Variants in PPM1G observed in about 807,000 individuals in gnomAD.
PPM1G encodes the protein protein phosphatase 1G.
PPM1G carries 12 observed loss-of-function variants against 59.4 expected under a neutral mutation model. That is an observed-to-expected ratio of 0.20 (90% confidence interval 0.13 to 0.33). The LOEUF (loss-of-function observed/expected upper bound fraction) is 0.33, where lower values mean the gene tolerates loss of function less well. Among genes scored for constraint, PPM1G ranks in the 10% least tolerant of loss-of-function variants. The pLI is 1.00. For missense variants in PPM1G, 392 were observed against 681.3 expected, an observed-to-expected ratio of 0.58 and a Z score of 4.73; for synonymous variants, 245 against 251.9, an observed-to-expected ratio of 0.97 and a Z score of 0.26.
intron 2 of PPM1G, chr2:27,386,703 C>A (rs2148419247): frequency 5.5e-6 from 1 of 180,852 alleles, no homozygotes; most frequent in Non-Finnish European, 1.2e-5. Context: ...CACAGGCGCC[C>A]ACCACTACGC....
At chr2:27,402,890 C>T (rs888334874) in intron 1 of PPM1G, among the ~76,000 whole-genome samples, 2 of 148,240 alleles carry the variant, frequency 1.3e-5, no homozygotes, top group Admixed American at 1.4e-4. Flanking sequence ...GCCTGGGCAA[C>T]ACTGCAAGGC....
rs1265264871 is a variant in PPM1G, at chr2:27,397,012, T to G, written c.121-9854A>C. Among the ~76,000 whole-genome samples, 3 of 152,052 alleles carry G rather than the reference T, an allele frequency of 2.0e-5. No individual in the cohort carries two copies. The East Asian group carries it at 5.8e-4, about 30-fold the overall frequency. On this transcript the variant is annotated intron_variant, in intron 1 of 9. Transcript: ENST00000344034. ...AGCCTTCCAATTAGCTGAGATTACATGCATGCACCATCATGCCCAGCTAAT... is the reference window on the plus strand; with the variant it reads ...AGCCTTCCAATTAGCTGAGATTACAGGCATGCACCATCATGCCCAGCTAAT...
intron 1 of PPM1G, among the ~76,000 whole-genome samples, chr2:27,403,447 A>C (rs1484956250): frequency 5.3e-5 from 8 of 152,204 alleles, no homozygotes; most frequent in Non-Finnish European, 8.8e-5. Context: ...ACTCCAACTT[A>C]AAAAAATAAA....
rs1663461492 is a variant in PPM1G, at chr2:27,409,424, G to A, written c.-2C>T. The A allele has an allele frequency of 1.3e-6, 2 of 1,508,690 alleles. No homozygotes were observed. The highest frequency in any genetic ancestry group is 2.0e-4 in the Middle Eastern group (1 of 5,118). 93.5% of individuals were successfully genotyped at this position (1,508,690 alleles called of 1,614,324 possible). ...GGGCTGGGAGAGGTAGGCACCCATG[G>A]CGGCGGCTGGCCGGCGGCCTCAGGT... On this transcript the variant is annotated 5_prime_UTR_variant, in exon 1 of 10. Coordinates refer to ENST00000344034, the MANE Select transcript of PPM1G (RefSeq NM_177983.3).
intron 1 of PPM1G, among the ~76,000 whole-genome samples, chr2:27,387,988 C>G (rs902422287): frequency 1.3e-5 from 2 of 151,412 alleles, no homozygotes; most frequent in South Asian, 4.2e-4. Flanking sequence ...TTAGTAGAGA[C>G]GGGGTTTCAC....
In PPM1G at chr2:27,384,965, C is replaced by G. The variant is rs1269697550; in HGVS notation, c.533G>C (p.Gly178Ala). The G allele has an allele frequency of 6.2e-7, 1 of 1,614,198 alleles. No homozygotes were observed. Among genetic ancestry groups the G allele is most frequent in the East Asian group, 2.2e-5 (1 of 44,888 alleles). The change falls in exon 5 of 10, where the codon GGC (glycine) becomes GCC (alanine). Residue 178 changes from glycine to alanine, a missense_variant. Physicochemically the swap from Gly to Ala is moderately conservative, Grantham distance 60. This residue lies in a region of PPM1G where 188 missense variants were observed against 248.8 expected (regional missense o/e 0.76). Transcript: ENST00000344034. The surrounding 1 kb of genome is among the most constrained non-coding windows in gnomAD (Gnocchi z 4.8). ...GAGGCCCTGGGACCCTGGTTCCTCG[C>G]CTGTCCCACCTCCAGATTTGCTGTG... Reference protein sequence around the residue: ...PPHSKSGGGTGEEPGSQGLNG... With the variant: ...PPHSKSGGGTAEEPGSQGLNG...
In PPM1G at chr2:27,382,263, C is replaced by A; in HGVS notation, c.1332-35G>T. 1 of 1,602,862 alleles carries A rather than the reference C, an allele frequency of 6.2e-7. No homozygotes were observed. Among genetic ancestry groups the A allele is most frequent in the South Asian group, 1.1e-5 (1 of 90,804 alleles). On this transcript the variant is annotated intron_variant, in intron 8 of 9. Coordinates refer to ENST00000344034, the MANE Select transcript of PPM1G (RefSeq NM_177983.3). This position sits in a 1 kb window ranked among gnomAD's most constrained non-coding sequence, Gnocchi z 4.2. The stretch of plus-strand genomic sequence containing the variant: ...AGAACAACAGTCAGAATCTTCCAGT[C>A]TCACTAAGGCAGCGTAGAGGAGTAT...
rs368602227 is a variant in PPM1G at position 27,385,063 on chromosome 2, C to A, written c.435G>T (p.Leu145=). Residue 145 remains leucine (L), a synonymous_variant, in exon 5 of 10, where the codon CTG becomes CTT. Coordinates refer to ENST00000344034, the MANE Select transcript of PPM1G (RefSeq NM_177983.3). The surrounding 1 kb of genome is among the most constrained non-coding windows in gnomAD (Gnocchi z 4.1). ...CAATAGTCATGGTAGCCTCTTCATG[C>A]AGCAGTGCAGCCTCCTCATTGTCCA... ...DDVDNEEAAL[L]HEEATMTIEE... 8.7e-6 allele frequency: 14 copies of A among 1,609,100 alleles called. No homozygotes were observed. The highest frequency in any genetic ancestry group is 4.0e-5 in the African/African-American group (3 of 74,878).
At chr2:27,396,829 A>AAAAAAG (rs1197725842) in intron 1 of PPM1G, among the ~76,000 whole-genome samples, 1 of 151,622 alleles carries the variant, frequency 6.6e-6, no homozygotes, top group Non-Finnish European at 1.5e-5. Context: ...CAAAAAAAAA[A>AAAAAAG]AAAGAAAAGA....
At chr2:27,393,335 C>A in intron 1 of PPM1G, 1 of 1,597,390 alleles carries the variant, frequency 6.3e-7, no homozygotes, top group South Asian at 1.1e-5. Context: ...GGTGGTAGTT[C>A]TGGCGCACCT....
chr2:27,384,556 T>C lies in PPM1G; in HGVS notation c.825+117A>G, dbSNP rs1683715866. 2 of 1,232,560 alleles carry C rather than the reference T, an allele frequency of 1.6e-6. No individual in the cohort carries two copies. The highest frequency in any genetic ancestry group is 2.3e-6 in the Non-Finnish European group (2 of 887,418). The allele number at this position is 1,232,560 out of a possible 1,614,324, so 76.4% of individuals were successfully genotyped here. A position where few individuals can be genotyped will look rare whatever the true frequency, so the allele number is the denominator to read the frequency against. On this transcript the variant is annotated intron_variant, in intron 5 of 9. Coordinates refer to ENST00000344034, the MANE Select transcript of PPM1G (RefSeq NM_177983.3). This position sits in a 1 kb window ranked among gnomAD's most constrained non-coding sequence, Gnocchi z 4.8. ...TTCAAGACTAAAGCTTAGAATACAG[T>C]GGGTCTTGGGGGATGATGTCAAAAT...
Position 27,409,327 on chromosome 2 carries a change from C to T in PPM1G, c.96G>A (p.Met32Ile). The change falls in exon 1 of 10, where the codon ATG (methionine) becomes ATA (isoleucine). Residue 32 changes from methionine (M) to isoleucine (I), a missense_variant. By Grantham distance (10) the Met-to-Ile change is conservative. Coordinates refer to ENST00000344034, the MANE Select transcript of PPM1G (RefSeq NM_177983.3). ...RLPLPYGFSA[M>I]QGWRVSMEDA... Reference sequence around the variant, plus strand: ...CCTCCATGGAGACGCGCCAGCCTTGCATGGCGGAGAAGCCGTAGGGCAGCG... The same window carrying T: ...CCTCCATGGAGACGCGCCAGCCTTGTATGGCGGAGAAGCCGTAGGGCAGCG... 1 of 1,546,206 alleles carries T rather than the reference C, an allele frequency of 6.5e-7. No individual in the cohort carries two copies. Among genetic ancestry groups the T allele is most frequent in the South Asian group, 1.2e-5 (1 of 83,998 alleles).
intron 1 of PPM1G, among the ~76,000 whole-genome samples, chr2:27,400,137 C>CT (rs954252304): frequency 2.6e-5 from 4 of 152,148 alleles, no homozygotes; most frequent in Admixed American, 2.6e-4. Flanking sequence ...TGGTTCATGC[C>CT]TGTAATCCCA....
At chr2:27,390,301 TGAG>T (rs1408759169) in intron 1 of PPM1G, among the ~76,000 whole-genome samples, 1 of 152,202 alleles carries the variant, frequency 6.6e-6, no homozygotes, top group Non-Finnish European at 1.5e-5. Flanking sequence ...ATTACAGGCG[TGAG>T]CCATTGCAAC....
intron 1 of PPM1G, among the ~76,000 whole-genome samples, chr2:27,401,458 T>A (rs937328615): frequency 6.6e-6 from 1 of 152,198 alleles, no homozygotes; most frequent in Non-Finnish European, 1.5e-5. Flanking sequence ...AGGGAGTGAC[T>A]GGTAAAGAGT....
intron 1 of PPM1G, among the ~76,000 whole-genome samples, chr2:27,399,380 G>C (rs535148093): frequency 1.3e-5 from 2 of 152,086 alleles, no homozygotes; most frequent in African/African-American, 4.8e-5. Context: ...CATAAAAGAT[G>C]TTCAAACATA....
chr2:27,383,985 C>CTCTTCT lies in PPM1G; in HGVS notation c.927_932dup (p.Glu310_Glu311dup), dbSNP rs371928915. On this transcript the variant is annotated inframe_insertion, in exon 6 of 10. Coordinates refer to ENST00000344034, the MANE Select transcript of PPM1G (RefSeq NM_177983.3). The surrounding 1 kb of genome is among the most constrained non-coding windows in gnomAD (Gnocchi z 5.0). ...TGCCTTCCATCCCTGGCACCATCAT[C>CTCTTCT]TCTTCTTCTTCTTCTTCATCGTCCT... 3.2e-6 allele frequency: 5 copies of CTCTTCT among 1,559,362 alleles called. No individual in the cohort carries two copies. The African/African-American group carries it at 4.1e-5, about 13-fold the overall frequency.
intron 1 of PPM1G, among the ~76,000 whole-genome samples, chr2:27,396,819 C>CAAAAA (rs771980529): frequency 8.0e-5 from 10 of 125,370 alleles, no homozygotes; most frequent in Non-Finnish European, 6.6e-5. Flanking sequence ...CCGTCTCCAA[C>CAAAAA]AAAAAAAAAA....
chr2:27,406,152 T>C lies in PPM1G; in HGVS notation c.120+3151A>G, dbSNP rs139965221. 2.3e-3 allele frequency among the ~76,000 whole-genome samples: 348 copies of C among 152,322 alleles called. 1 individual carries two copies. The highest frequency in any genetic ancestry group is 0.01 in the Middle Eastern group (3 of 294). On this transcript the variant is annotated intron_variant, in intron 1 of 9. Transcript: ENST00000344034. ...CTCTACGGCTAAATCTATCCATCAGTCAGCATGTCAACAACCTTTAGTGGT... is the reference window on the plus strand; with the variant it reads ...CTCTACGGCTAAATCTATCCATCAGCCAGCATGTCAACAACCTTTAGTGGT...
Sources: gnomAD v4.1 joint callset for allele counts (sites outside exome capture counted in the v4.1 genomes callset) on GRCh38, gnomAD v4.1.1 for gene constraint, gnomAD v4.1.1 regional missense constraint, Gnocchi (gnomAD v3.1) non-coding constraint, MANE v1.5 for transcripts, NCBI Gene and HGNC (gene_info 2026-07-23, HGNC 2026-07-21) for gene names.